The following HIPK3 variants were observed in gnomAD, a reference collection of about 807,000 sequenced individuals.
HIPK3 encodes homeodomain-interacting protein kinase 3.
In HIPK3, 47 loss-of-function variants were observed where a neutral mutation model predicts 124.2. The ratio of observed to expected loss-of-function variants is 0.38; its 90% CI spans 0.30 to 0.48. The LOEUF (loss-of-function observed/expected upper bound fraction) is 0.48. HIPK3 is among the 20% of genes least tolerant of loss of function. HIPK3 has a pLI of 0.98. For missense variants in HIPK3, 1,286 were observed against 1,454.3 expected (o/e 0.88, Z 1.88); for synonymous variants, 482 against 515.2 (o/e 0.94, Z 0.87).
At chr11:33,335,596 A>T (rs1853118921) in intron 3 of HIPK3, 1 of 152,088 alleles carries the variant, frequency 6.6e-6, no homozygotes, top group Admixed American at 6.5e-5. Flanking sequence ...AATATAGGCT[A>T]CTATTTTAAG....
chr11:33,314,301 A>G (rs1385495107), intron 2 of HIPK3, among the ~76,000 whole-genome samples: 1 of 152,110 alleles, frequency 6.6e-6, no homozygotes, highest in African/African-American at 2.4e-5. Context: ...TAATGTATCT[A>G]CCTCAAAGGG....
chr11:33,338,853 A>G lies in HIPK3; in HGVS notation c.1428+10A>G, dbSNP rs763123016. ...GGATGATGTAGCGCATGTGAGTACCATAGCCACATTTGTTCATCTTACATG... is the reference window on the plus strand; with the variant it reads ...GGATGATGTAGCGCATGTGAGTACCGTAGCCACATTTGTTCATCTTACATG... On this transcript the variant is annotated intron_variant, in intron 5 of 16. Coordinates refer to ENST00000303296, the MANE Select transcript of HIPK3 (RefSeq NM_005734.5). 4.4e-6 allele frequency: 7 copies of G among 1,591,588 alleles called. No individual in the cohort carries two copies. Among genetic ancestry groups the G allele is most frequent in the South Asian group, 2.2e-5 (2 of 89,928 alleles).
intron 1 of HIPK3, among the ~76,000 whole-genome samples, chr11:33,278,904 TA>T (rs1186503999): frequency 2.6e-5 from 4 of 152,198 alleles, no homozygotes; most frequent in Non-Finnish European, 5.9e-5. Context: ...CCGCAATTTT[TA>T]AAAAGGAAAA....
chr11:33,257,222 C>T (rs1294266489), upstream of HIPK3: 9 of 983,706 alleles, frequency 9.1e-6, no homozygotes, highest in Non-Finnish European at 1.1e-5. Flanking sequence ...TGCGGACTGG[C>T]GGGCGGACCC....
chr11:33,258,048 C>T (rs77982762), intron 1 of HIPK3, among the ~76,000 whole-genome samples, 159 bp downstream of exon 1: 7 of 22,868 alleles, frequency 3.1e-4, no homozygotes, highest in African/African-American at 7.3e-4. Context: ...ATCCGCATCC[C>T]CAGCGCTCTC....
intron 2 of HIPK3, among the ~76,000 whole-genome samples, chr11:33,326,050 C>T (rs977613591): frequency 6.6e-6 from 1 of 152,150 alleles, no homozygotes. Context: ...GTATTATTTA[C>T]AGCAGAGATG....
chr11:33,318,880 TC>T (rs1852581702), intron 2 of HIPK3, among the ~76,000 whole-genome samples: 1 of 152,234 alleles, frequency 6.6e-6, no homozygotes, highest in Non-Finnish European at 1.5e-5. Flanking sequence ...GGTTTTCTGT[TC>T]ATTTGGTTTC....
At chr11:33,305,821 C>T (rs1481359230) in intron 2 of HIPK3, among the ~76,000 whole-genome samples, 1 of 151,886 alleles carries the variant, frequency 6.6e-6, no homozygotes, top group Non-Finnish European at 1.5e-5. Context: ...TTTATTGAAA[C>T]TTTCTTTCCT....
At chr11:33,344,451 A>G (rs1007173507) in intron 8 of HIPK3, among the ~76,000 whole-genome samples, 7 of 152,168 alleles carry the variant, frequency 4.6e-5, no homozygotes, top group Admixed American at 2.6e-4. Context: ...ACTTAAAGAG[A>G]CTTCGGAGAC....
At chr11:33,278,959 A>G (rs1307922623) in intron 1 of HIPK3, among the ~76,000 whole-genome samples, 1 of 152,246 alleles carries the variant, frequency 6.6e-6, no homozygotes, top group African/African-American at 2.4e-5. Flanking sequence ...TAAGTTGAGT[A>G]AGGAGAGTGC....
In HIPK3 at chr11:33,339,372, A is replaced by G. The variant is rs368066220; in HGVS notation, c.1451A>G (p.Glu484Gly). Residue 484 changes from glutamate to glycine, a missense_variant, in exon 6 of 17, where the codon GAA (glutamate) becomes GGA (glycine). Glu to Gly is a moderately conservative substitution (Grantham distance 98). Coordinates refer to ENST00000303296, the MANE Select transcript of HIPK3 (RefSeq NM_005734.5). ...VAHVNTVMDL[E>G]GSDLLAEKAD... ...TAGGTGAACACAGTGATGGATTTGG[A>G]AGGAAGTGATCTTTTGGCTGAGAAA... 17 of 1,613,120 alleles carry G rather than the reference A, an allele frequency of 1.1e-5. No individual in the cohort carries two copies. Among genetic ancestry groups the G allele is most frequent in the Non-Finnish European group, 1.4e-5 (16 of 1,179,416 alleles).
intron 16 of HIPK3, 121 bp downstream of exon 16, chr11:33,352,386 T>C (rs1241942206): frequency 1.9e-6 from 2 of 1,026,296 alleles, no homozygotes; most frequent in Non-Finnish European, 2.9e-6. Context: ...CTTCTCATTA[T>C]CCCAAGTGGC....
At chr11:33,269,257 TA>T (rs1228405897) in intron 1 of HIPK3, among the ~76,000 whole-genome samples, 13 of 152,188 alleles carry the variant, frequency 8.5e-5, no homozygotes, top group African/African-American at 3.1e-4. Flanking sequence ...CTTTCCTTGA[TA>T]AAGGTCAGTA....
At chr11:33,338,658 CTATTTGCCTTAGAATATT>C in intron 4 of HIPK3, 81 bp from the exon 5 acceptor site, 1 of 579,658 alleles carries the variant, frequency 1.7e-6, no homozygotes. Flanking sequence ...TTTGAAATTA[CTATTTGCCTTAGAATATT>C]TAATATATTA....
intron 2 of HIPK3, among the ~76,000 whole-genome samples, chr11:33,309,645 G>T (rs1314955954): frequency 6.6e-6 from 1 of 152,172 alleles, no homozygotes; most frequent in African/African-American, 2.4e-5. Context: ...AGATTATACA[G>T]CAAACACACA....
At chr11:33,265,891 C>A (rs113738187) in intron 1 of HIPK3, among the ~76,000 whole-genome samples, 17 of 151,152 alleles carry the variant, frequency 1.1e-4, no homozygotes, top group African/African-American at 3.9e-4. Flanking sequence ...CGAGACCATC[C>A]TGGCTAACAT....
intron 1 of HIPK3, chr11:33,258,359 G>T: frequency 1.0e-6 from 1 of 985,690 alleles, no homozygotes; most frequent in Non-Finnish European, 1.2e-6. Context: ...CAAACGCGCA[G>T]GCACGCAGCT....
chr11:33,275,504 T>A (rs1167661508), intron 1 of HIPK3, among the ~76,000 whole-genome samples: 5 of 152,146 alleles, frequency 3.3e-5, no homozygotes, highest in African/African-American at 1.2e-4. Flanking sequence ...CTTTTTTTTT[T>A]AAATGGCATG....
chr11:33,305,888 C>G (rs1205120153), intron 2 of HIPK3, among the ~76,000 whole-genome samples: 3 of 151,540 alleles, frequency 2.0e-5, no homozygotes, highest in African/African-American at 7.3e-5. Flanking sequence ...ACTGTGTCAT[C>G]CAGGCTGGAG....
Sources: gnomAD v4.1 joint callset for allele counts (sites outside exome capture counted in the v4.1 genomes callset) on GRCh38, gnomAD v4.1.1 for gene constraint, MANE v1.5 for transcripts, NCBI Gene and HGNC (gene_info 2026-07-23, HGNC 2026-07-21) for gene names.